GIMD1: variants seen among roughly 807,000 people sequenced by gnomAD.
GIMD1 encodes the protein GTPase IMAP family member GIMD1.
GIMD1 carries 14 observed loss-of-function variants against 14.9 expected under a neutral mutation model. That is an observed-to-expected ratio of 0.94 (90% CI 0.62 to 1.47). GIMD1 has a LOEUF of 1.47. GIMD1 is among the 40% of genes most tolerant of loss of function. The pLI is 0.00. For missense variants in GIMD1, 272 were observed against 255.3 expected (o/e 1.07, Z -0.44); for synonymous variants, 91 against 90.5 (o/e 1.01, Z -0.03).
Position 106,357,400 on chromosome 4 carries a change from G to A in GIMD1, c.*783C>T, listed in dbSNP as rs969854929. 3 of 151,944 alleles carry A rather than the reference G, an allele frequency of 2.0e-5. No homozygotes were observed. Among genetic ancestry groups the A allele is most frequent in the African/African-American group, 7.2e-5 (3 of 41,394 alleles). The allele number at this position is 151,944 out of a possible 1,614,324, so 9.4% of individuals were successfully genotyped here. ...GCAGTGGAGCTAGTTCCTTTTTAAT[G>A]GATAATAACTAATTATTTTTAACTT... On this transcript the variant is annotated 3_prime_UTR_variant, in exon 3 of 3. Transcript: ENST00000638719.
Position 106,367,358 on chromosome 4 carries a change from G to A in GIMD1, c.78C>T (p.Asn26=). 6.5e-7 allele frequency: 1 copy of A among 1,536,006 alleles called. No individual in the cohort carries two copies. The highest frequency in any genetic ancestry group is 8.7e-7 in the Non-Finnish European group (1 of 1,146,824). ...MTQSGKSSAG[N]ILLGSTDFHS... is the part of the protein sequence containing the mutation. Reference sequence around the variant, plus strand: ...GAAAGTCTGTGCTTCCCAGCAGAATGTTTCCAGCAGAACTTTTTCCACTCT... The same window carrying A: ...GAAAGTCTGTGCTTCCCAGCAGAATATTTCCAGCAGAACTTTTTCCACTCT... The change falls in exon 2 of 3, where the codon AAC becomes AAT. Residue 26 remains asparagine (N), a synonymous_variant. Transcript: ENST00000638719.
In GIMD1 at chr4:106,357,518, C is replaced by T. The variant is rs1770547270; in HGVS notation, c.*665G>A. On this transcript the variant is annotated 3_prime_UTR_variant, in exon 3 of 3. Transcript: ENST00000638719. ...TGAACAAATCCTGTGAAACCAGGCTCCAAATCAAGAGAACAAAAGAACATG... is the reference window on the plus strand; with the variant it reads ...TGAACAAATCCTGTGAAACCAGGCTTCAAATCAAGAGAACAAAAGAACATG... 1 of 151,986 alleles carries T rather than the reference C, an allele frequency of 6.6e-6. No individual in the cohort carries two copies. Among genetic ancestry groups the T allele is most frequent in the African/African-American group, 2.4e-5 (1 of 41,402 alleles). 9.4% of individuals were successfully genotyped at this position (151,986 alleles called of 1,614,324 possible). A position where few individuals can be genotyped will look rare whatever the true frequency, so the allele number is the denominator to read the frequency against.
rs745515567 is a variant in GIMD1 at position 106,367,197 on chromosome 4, T to TGTGGATAACCTG, written c.227_238dup (p.Pro76_Pro79dup). 78 of 1,535,702 alleles carry TGTGGATAACCTG rather than the reference T, an allele frequency of 5.1e-5. No homozygotes were observed. Among genetic ancestry groups the TGTGGATAACCTG allele is most frequent in the Admixed American group, 1.4e-4 (7 of 50,952 alleles). On this transcript the variant is annotated inframe_insertion, in exon 2 of 3. Coordinates refer to ENST00000638719, the MANE Select transcript of GIMD1 (RefSeq NM_001195138.2). ...CACATACTTCTTGCTCAGCCTGCTG[T>TGTGGATAACCTG]GTGGATAACCTGGAGTGTCCAACAC...
At chr4:106,366,643 G>A (rs1320630560) in intron 2 of GIMD1, among the ~76,000 whole-genome samples, 2 of 152,090 alleles carry the variant, frequency 1.3e-5, no homozygotes, top group Admixed American at 6.6e-5. Flanking sequence ...GTTTCAGTAC[G>A]TTTTGGATCA....
intron 2 of GIMD1, among the ~76,000 whole-genome samples, chr4:106,360,376 T>A (rs972564464): frequency 3.9e-5 from 6 of 152,086 alleles, no homozygotes; most frequent in African/African-American, 1.2e-4. Context: ...TTATAAACTT[T>A]AAAAAATAAA....
At chr4:106,363,960 C>T (rs1770655532) in intron 2 of GIMD1, among the ~76,000 whole-genome samples, 2 of 149,542 alleles carry the variant, frequency 1.3e-5, no homozygotes, top group South Asian at 2.1e-4. Context: ...TATGCCAGCT[C>T]TTTCCTTGAG....
In GIMD1 at chr4:106,363,887, G is replaced by T. The variant is rs746875239; in HGVS notation, c.393+3156C>A. On this transcript the variant is annotated intron_variant, in intron 2 of 2. Transcript: ENST00000638719. ...TAATAATACAGAATACCATAATGGG[G>T]GGGGGGGGGCGGAAATGGACCATAG... 4.2e-4 allele frequency among the ~76,000 whole-genome samples: 59 copies of T among 141,258 alleles called. 1 individual carries two copies. Among genetic ancestry groups the T allele is most frequent in the East Asian group, 7.1e-4 (3 of 4,228 alleles). The allele number at this position is 141,258 out of a possible 152,430, so 92.7% of individuals were successfully genotyped here.
Position 106,358,459 on chromosome 4 carries a change from T to A in GIMD1, c.394-16A>T. ...CAAGAAGTTCCTGAAAGAGAGAAGT[T>A]AGATAACTATTGAACTTGAACTATA... On this transcript the variant is annotated splice_polypyrimidine_tract_variant and intron_variant, in intron 2 of 2. Coordinates refer to ENST00000638719, the MANE Select transcript of GIMD1 (RefSeq NM_001195138.2). The A allele has an allele frequency of 6.7e-7, 1 of 1,496,040 alleles. No individual in the cohort carries two copies. The highest frequency in any genetic ancestry group is 2.5e-5 in the East Asian group (1 of 40,692). 92.7% of individuals were successfully genotyped at this position (1,496,040 alleles called of 1,614,324 possible). A position where few individuals can be genotyped will look rare whatever the true frequency, so the allele number is the denominator to read the frequency against.
chr4:106,357,887 T>G lies in GIMD1; in HGVS notation c.*296A>C, dbSNP rs1167236239. 4.9e-6 allele frequency: 1 copy of G among 205,490 alleles called. No homozygotes were observed. Among genetic ancestry groups the G allele is most frequent in the Admixed American group, 5.3e-5 (1 of 18,982 alleles). The allele number at this position is 205,490 out of a possible 1,614,324, so 12.7% of individuals were successfully genotyped here. A position where few individuals can be genotyped will look rare whatever the true frequency, so the allele number is the denominator to read the frequency against. On this transcript the variant is annotated 3_prime_UTR_variant, in exon 3 of 3. Transcript: ENST00000638719. ...TTGAATAGTCTGTATGTTTAGCTTT[T>G]GAATAGTAGTTCCATGAACATTATT...
At chr4:106,368,538 T>C (rs1770742158) in intron 1 of GIMD1, among the ~76,000 whole-genome samples, 172 bp downstream of exon 1, 1 of 152,188 alleles carries the variant, frequency 6.6e-6, no homozygotes. Context: ...CATACCTCCA[T>C]AAAAAGACAC....
At chr4:106,367,004 A>G (rs1770712249) in intron 2 of GIMD1, 39 bp downstream of exon 2, 2 of 1,095,778 alleles carry the variant, frequency 1.8e-6, no homozygotes, top group Non-Finnish European at 2.5e-6. Flanking sequence ...TCCTCCAAGA[A>G]GTAATAATGG....
chr4:106,366,300 C>A (rs1561041800), intron 2 of GIMD1, among the ~76,000 whole-genome samples: 1 of 152,156 alleles, frequency 6.6e-6, no homozygotes, highest in African/African-American at 2.4e-5. Flanking sequence ...ATGAAACCCC[C>A]TCTTTTTCAT....
intron 2 of GIMD1, among the ~76,000 whole-genome samples, chr4:106,360,763 GTACGTGA>G (rs560649324): frequency 3.3e-5 from 5 of 151,804 alleles, no homozygotes; most frequent in Non-Finnish European, 5.9e-5. Flanking sequence ...AGTGCCATGC[GTACGTGA>G]AGATAGCCAT....
intron 2 of GIMD1, among the ~76,000 whole-genome samples, chr4:106,363,692 C>G (rs537393061): frequency 7.2e-5 from 11 of 152,010 alleles, no homozygotes; most frequent in African/African-American, 2.7e-4. Flanking sequence ...AGTAATTAGG[C>G]TTGTTTTTTT....
chr4:106,368,680 A>G (rs1291245684), intron 1 of GIMD1, 30 bp downstream of exon 1: 9 of 398,222 alleles, frequency 2.3e-5, no homozygotes, highest in Non-Finnish European at 3.5e-5. Flanking sequence ...TAATTATTCA[A>G]TCCCAATCCA....
rs527812840 is a variant in GIMD1, at chr4:106,367,280, A to G, written c.156T>C (p.Ser52=). The G allele has an allele frequency of 6.0e-4, 928 of 1,535,968 alleles. No individual in the cohort carries two copies. The highest frequency in any genetic ancestry group is 6.5e-4 in the Non-Finnish European group (745 of 1,146,824). The change falls in exon 2 of 3, where the codon AGT becomes AGC. Residue 52 remains serine, a synonymous_variant. Coordinates refer to ENST00000638719, the MANE Select transcript of GIMD1 (RefSeq NM_001195138.2). The part of the protein sequence containing the change: ...SVTTCCSLGR[S]CHLHSFMRRG... Reference sequence around the variant, plus strand: ...GACGCATGAAGCTGTGGAGGTGACAACTGCGGCCCAGGCTACAACATGTGG... The same window carrying G: ...GACGCATGAAGCTGTGGAGGTGACAGCTGCGGCCCAGGCTACAACATGTGG...
At chr4:106,366,603 C>G (rs1348747073) in intron 2 of GIMD1, among the ~76,000 whole-genome samples, 1 of 152,110 alleles carries the variant, frequency 6.6e-6, no homozygotes, top group Non-Finnish European at 1.5e-5. Context: ...TATGAAAATA[C>G]AGATATGCAG....
intron 1 of GIMD1, among the ~76,000 whole-genome samples, chr4:106,367,903 A>G (rs929356557): frequency 2.0e-5 from 3 of 152,172 alleles, no homozygotes; most frequent in Admixed American, 6.6e-5. Context: ...GCTTTCTAAC[A>G]ACATCCCCCA....
At chr4:106,361,455 A>C (rs1398887772) in intron 2 of GIMD1, among the ~76,000 whole-genome samples, 4 of 152,076 alleles carry the variant, frequency 2.6e-5, no homozygotes, top group African/African-American at 9.7e-5. Flanking sequence ...TAAAAAATAC[A>C]TAGGAATTAA....
Sources: allele counts gnomAD v4.1 joint callset (sites outside exome capture counted in the v4.1 genomes callset), GRCh38; gene constraint gnomAD v4.1.1; transcripts MANE v1.5; gene names NCBI Gene and HGNC (gene_info 2026-07-23, HGNC 2026-07-21).